TNFSF4: variants seen among roughly 807,000 people sequenced by gnomAD.
The protein encoded by TNFSF4 is TNF superfamily member 4.
A neutral mutation model predicts 7.3 loss-of-function variants in TNFSF4; 4 were observed. That is an observed-to-expected ratio of 0.55 (90% CI 0.27 to 1.25). The LOEUF (loss-of-function observed/expected upper bound fraction) is 1.25. Among genes scored for constraint, TNFSF4 ranks in the 50% most tolerant of loss-of-function variants. TNFSF4 has a pLI of 0.12. For missense variants in TNFSF4, 181 were observed against 208.8 expected (o/e 0.87, Z 0.82); for synonymous variants, 76 against 83.7 (o/e 0.91, Z 0.50).
chr1:173,326,018 A>C, the TNFSF4 span, among the ~76,000 whole-genome samples: 1 of 152,248 alleles, frequency 6.6e-6, no homozygotes, highest in Non-Finnish European at 1.5e-5. Flanking sequence ...TCATATTATG[A>C]GGCCAACATC....
chr1:173,216,574 T>C, the TNFSF4 span, among the ~76,000 whole-genome samples: 1 of 152,166 alleles, frequency 6.6e-6, no homozygotes, highest in Admixed American at 6.5e-5. Context: ...GATCAGAGAC[T>C]GAGGGTGGAT....
the TNFSF4 span, among the ~76,000 whole-genome samples, chr1:173,373,635 G>A: frequency 3.9e-5 from 6 of 152,226 alleles, no homozygotes; most frequent in East Asian, 1.9e-4. Flanking sequence ...CAAAGCCTGC[G>A]AGGTGTGCCA....
At chr1:173,404,044 T>G in the TNFSF4 span, among the ~76,000 whole-genome samples, 11 of 152,048 alleles carry the variant, frequency 7.2e-5, no homozygotes, top group Non-Finnish European at 1.2e-4. Flanking sequence ...TATATAAGGA[T>G]AGGCTCATTG....
At chr1:173,447,782 T>C in the TNFSF4 span, among the ~76,000 whole-genome samples, 1 of 152,020 alleles carries the variant, frequency 6.6e-6, no homozygotes, top group Non-Finnish European at 1.5e-5. Context: ...TTCAAACATA[T>C]CAATAATTAC....
chr1:173,206,693 A>G (rs3850641), intron 1 of TNFSF4, among the ~76,000 whole-genome samples: 21,934 of 152,194 alleles, frequency 0.14, 1,808 homozygotes, highest in South Asian at 0.21. Flanking sequence ...TACTATCACA[A>G]TGGGTAGACC....
the TNFSF4 span, among the ~76,000 whole-genome samples, chr1:173,384,674 C>T: frequency 6.6e-6 from 1 of 151,968 alleles, no homozygotes; most frequent in Non-Finnish European, 1.5e-5. Context: ...GAAAAAAAAG[C>T]GATGAAACAA....
At chr1:173,405,856 T>C in the TNFSF4 span, among the ~76,000 whole-genome samples, 1 of 152,200 alleles carries the variant, frequency 6.6e-6, no homozygotes, top group Admixed American at 6.5e-5. Context: ...TAAAAAGCAA[T>C]TGACAGAACT....
At chr1:173,236,082 C>G in the TNFSF4 span, among the ~76,000 whole-genome samples, 1 of 152,066 alleles carries the variant, frequency 6.6e-6, no homozygotes, top group Admixed American at 6.6e-5. Flanking sequence ...CATTCCTTTC[C>G]TAAGTAATTT....
In TNFSF4 at chr1:173,197,446, C is replaced by A. The variant is rs913860634; in HGVS notation, c.154-8877G>T. 2.0e-5 allele frequency among the ~76,000 whole-genome samples: 3 copies of A among 152,186 alleles called. No homozygotes were observed. In the East Asian group the frequency reaches 5.8e-4, roughly 29 times the overall value. ...ACATGGAATCAACCCAAATGCCCAT[C>A]AGTGATAGACTGGAGAAAGAAAATG... On this transcript the variant is annotated intron_variant, in intron 1 of 2. Transcript: ENST00000281834.
the TNFSF4 span, chr1:173,351,783 G>T: frequency 1.2e-5 from 7 of 597,560 alleles, no homozygotes; most frequent in African/African-American, 1.3e-4. Context: ...TGGTACAGTA[G>T]TCCAGGTTTA....
At chr1:173,450,614 C>T in the TNFSF4 span, among the ~76,000 whole-genome samples, 1 of 151,448 alleles carries the variant, frequency 6.6e-6, no homozygotes, top group East Asian at 1.9e-4. Context: ...GCAAGGCTCA[C>T]TCAACATTTG....
intron 1 of TNFSF4, among the ~76,000 whole-genome samples, chr1:173,193,073 T>C (rs1171051676): frequency 4.6e-5 from 7 of 152,144 alleles, no homozygotes; most frequent in Admixed American, 2.6e-4. Flanking sequence ...AAAGTTATCA[T>C]ATCAGTGCTC....
chr1:173,350,138 C>T, the TNFSF4 span, among the ~76,000 whole-genome samples: 2 of 152,036 alleles, frequency 1.3e-5, no homozygotes, highest in African/African-American at 4.8e-5. Flanking sequence ...ACTTCCATCC[C>T]TGCATCAAGT....
the TNFSF4 span, among the ~76,000 whole-genome samples, chr1:173,365,928 CTCTT>C: frequency 1.3e-5 from 2 of 152,152 alleles, no homozygotes; most frequent in South Asian, 2.1e-4. Flanking sequence ...CATATATAGA[CTCTT>C]TATTTGTAAT....
At chr1:173,435,036 G>A in the TNFSF4 span, among the ~76,000 whole-genome samples, 1 of 152,160 alleles carries the variant, frequency 6.6e-6, no homozygotes, top group Non-Finnish European at 1.5e-5. Context: ...ACAGGACAGG[G>A]GCAACCAATG....
the TNFSF4 span, among the ~76,000 whole-genome samples, chr1:173,341,071 G>A: frequency 1.1e-4 from 17 of 152,126 alleles, no homozygotes; most frequent in East Asian, 3.3e-3. Flanking sequence ...CCTTGCTGCA[G>A]CCATGTGAAG....
the TNFSF4 span, among the ~76,000 whole-genome samples, chr1:173,308,640 T>C: frequency 6.6e-6 from 1 of 151,940 alleles, no homozygotes; most frequent in African/African-American, 2.4e-5. Context: ...ATAATAATTT[T>C]TTTATTTCAA....
At chr1:173,373,174 A>G in the TNFSF4 span, among the ~76,000 whole-genome samples, 8 of 152,258 alleles carry the variant, frequency 5.3e-5, no homozygotes, top group Admixed American at 2.0e-4. Context: ...GGAACCCCCA[A>G]TAAATACCAC....
chr1:173,357,726 G>A, the TNFSF4 span, among the ~76,000 whole-genome samples: 1 of 152,036 alleles, frequency 6.6e-6, no homozygotes, highest in Non-Finnish European at 1.5e-5. Context: ...GAGAAGGGGG[G>A]TTTCTCCATG....
Sources: allele counts gnomAD v4.1 joint callset (sites outside exome capture counted in the v4.1 genomes callset), GRCh38; gene constraint gnomAD v4.1.1; transcripts MANE v1.5; gene names NCBI Gene and HGNC (gene_info 2026-07-23, HGNC 2026-07-21).